Variants in NFKB1 observed in about 807,000 individuals in gnomAD.
NFKB1 encodes nuclear factor NF-kappa-B p105 subunit.
A neutral mutation model predicts 105.1 loss-of-function variants in NFKB1; 9 were observed. The ratio of observed to expected loss-of-function variants is 0.09; its 90% CI spans 0.05 to 0.15. NFKB1 has a LOEUF of 0.15. Among genes scored for constraint, NFKB1 ranks in the 10% least tolerant of loss-of-function variants. The pLI is 1.00. For missense variants in NFKB1, 830 were observed against 1,203.7 expected (o/e 0.69, Z 4.59); for synonymous variants, 440 against 442.2 (o/e 1.00, Z 0.06).
At chr4:102,535,682 T>C (rs1741591186) in intron 4 of NFKB1, among the ~76,000 whole-genome samples, 1 of 152,160 alleles carries the variant, frequency 6.6e-6, no homozygotes, top group African/African-American at 2.4e-5. Flanking sequence ...GACATCTTCC[T>C]GAAAACAGTT....
chr4:102,519,027 G>A (rs113415745), intron 1 of NFKB1, among the ~76,000 whole-genome samples: 4 of 152,052 alleles, frequency 2.6e-5, no homozygotes, highest in Non-Finnish European at 4.4e-5. Context: ...CTCTTGTTGA[G>A]TGGCATATAA....
chr4:102,522,250 T>C (rs1432977118), intron 1 of NFKB1, among the ~76,000 whole-genome samples: 1 of 152,262 alleles, frequency 6.6e-6, no homozygotes, highest in African/African-American at 2.4e-5. Context: ...CAAATGATTC[T>C]TGGTTTCTTT....
Position 102,533,852 on chromosome 4 carries a change from C to T in NFKB1, c.126C>T (p.Gly42=). Residue 42 remains glycine, a synonymous_variant, in exon 4 of 24, where the codon GGC becomes GGT. Coordinates refer to ENST00000226574, the MANE Select transcript of NFKB1 (RefSeq NM_003998.4). ...QPQMALPTAD[G]PYLQILEQPK... ...TGTTGTTTTTGTTTTTAGCAGATGG[C>T]CCATACCTTCAAATATTAGAGCAAC... is the stretch of plus-strand genomic sequence containing the variant. 1 of 1,612,048 alleles carries T rather than the reference C, an allele frequency of 6.2e-7. No homozygotes were observed. The highest frequency in any genetic ancestry group is 8.5e-7 in the Non-Finnish European group (1 of 1,179,156).
In NFKB1 at chr4:102,596,211, C is replaced by T. The variant is rs1305396735; in HGVS notation, c.1374C>T (p.Leu458=). Residue 458 remains leucine (L), a synonymous_variant, in exon 14 of 24, where the codon CTC becomes CTT. Coordinates refer to ENST00000226574, the MANE Select transcript of NFKB1 (RefSeq NM_003998.4). The part of the protein sequence containing the change: ...DKSDDKNTVN[L]FGKVIETTEQ... ...GTGATGACAAAAACACTGTAAACCT[C>T]TTTGGGAAAGTTATTGAAACCACAG... 8.1e-6 allele frequency: 13 copies of T among 1,613,608 alleles called. No homozygotes were observed. The highest frequency in any genetic ancestry group is 1.1e-5 in the Non-Finnish European group (13 of 1,179,608).
chr4:102,534,047 T>A (rs1346309634), intron 4 of NFKB1, among the ~76,000 whole-genome samples, 162 bp downstream of exon 4: 1 of 152,210 alleles, frequency 6.6e-6, no homozygotes, highest in Non-Finnish European at 1.5e-5. Flanking sequence ...CACTTTACAT[T>A]TCTCTTACTC....
At chr4:102,574,771 TTACTCTATCGTTACC>T (rs1724676725) in intron 6 of NFKB1, among the ~76,000 whole-genome samples, 1 of 152,224 alleles carries the variant, frequency 6.6e-6, no homozygotes, top group Non-Finnish European at 1.5e-5. Flanking sequence ...CCAGTCTGTT[TTACTCTATCGTTACC>T]TGAAGCAGAA....
At chr4:102,594,196 A>G (rs1288238769) in intron 12 of NFKB1, among the ~76,000 whole-genome samples, 1 of 152,232 alleles carries the variant, frequency 6.6e-6, no homozygotes, top group Non-Finnish European at 1.5e-5. Flanking sequence ...CTCCAGTAAT[A>G]TGAACTTTAA....
chr4:102,613,626 C>G, intron 23 of NFKB1, 45 bp downstream of exon 23: 3 of 1,583,186 alleles, frequency 1.9e-6, no homozygotes, highest in Non-Finnish European at 1.7e-6. Flanking sequence ...TCCAGCTCCC[C>G]CAGGCTGGTG....
At chr4:102,605,617 A>G (rs1727645855) in intron 16 of NFKB1, among the ~76,000 whole-genome samples, 1 of 152,256 alleles carries the variant, frequency 6.6e-6, no homozygotes, top group South Asian at 2.1e-4. Context: ...CACAGTTTGC[A>G]AAACATCTTA....
intron 1 of NFKB1, 58 bp from the exon 2 acceptor site, chr4:102,525,454 G>T: frequency 6.5e-7 from 1 of 1,539,756 alleles, no homozygotes; most frequent in South Asian, 1.1e-5. Context: ...CATGGTGATA[G>T]AATTTTTAAA....
intron 11 of NFKB1, among the ~76,000 whole-genome samples, chr4:102,592,756 C>T (rs1319221728): frequency 6.6e-6 from 1 of 152,160 alleles, no homozygotes; most frequent in Non-Finnish European, 1.5e-5. Context: ...TTATCTACTC[C>T]TGTTCTCAAA....
chr4:102,593,527 G>A lies in NFKB1; in HGVS notation c.1169G>A (p.Gly390Asp). The change falls in exon 12 of 24, where the codon GGT becomes GAT. Residue 390 changes from glycine (G) to aspartate (D), a missense_variant. Coordinates refer to ENST00000226574, the MANE Select transcript of NFKB1 (RefSeq NM_003998.4). Reference protein sequence around the residue: ...GAGAGGGGMFGSGGGGGGTGS... With the variant: ...GAGAGGGGMFDSGGGGGGTGS... Reference sequence around the variant, plus strand: ...GGAGCTGGAGGCGGAGGCATGTTTGGTAGTGGCGGTGGAGGAGGGGGCACT... The same window carrying A: ...GGAGCTGGAGGCGGAGGCATGTTTGATAGTGGCGGTGGAGGAGGGGGCACT... 1 of 1,613,800 alleles carries A rather than the reference G, an allele frequency of 6.2e-7. No homozygotes were observed. Among genetic ancestry groups the A allele is most frequent in the East Asian group, 2.2e-5 (1 of 44,882 alleles).
intron 1 of NFKB1, among the ~76,000 whole-genome samples, chr4:102,508,439 T>C (rs776595206): frequency 1.3e-5 from 2 of 152,162 alleles, no homozygotes; most frequent in Non-Finnish European, 2.9e-5. Flanking sequence ...TTTTGCTCAG[T>C]TGGATAGTCA....
chr4:102,509,706 G>C (rs1578701115), intron 1 of NFKB1, among the ~76,000 whole-genome samples: 1 of 152,248 alleles, frequency 6.6e-6, no homozygotes, highest in East Asian at 1.9e-4. Context: ...GATTTCTCAT[G>C]CCAGAAATCT....
chr4:102,606,752 C>G, intron 17 of NFKB1, 55 bp downstream of exon 17: 4 of 1,507,800 alleles, frequency 2.7e-6, no homozygotes, highest in Non-Finnish European at 3.6e-6. Context: ...TAAATATCTA[C>G]TAGGTATTTG....
chr4:102,502,388 GCGCA>G (rs1200842847), intron 1 of NFKB1, among the ~76,000 whole-genome samples: 11 of 96,814 alleles, frequency 1.1e-4, no homozygotes, highest in Admixed American at 2.7e-4. Flanking sequence ...GCGCGCGCGC[GCGCA>G]CACACACACA....
chr4:102,528,794 G>T (rs1259639001), intron 2 of NFKB1, among the ~76,000 whole-genome samples: 1 of 152,154 alleles, frequency 6.6e-6, no homozygotes, highest in Non-Finnish European at 1.5e-5. Flanking sequence ...AAAATATTCT[G>T]CATGCCCACT....
At chr4:102,582,490 A>C (rs1490182741) in intron 9 of NFKB1, among the ~76,000 whole-genome samples, 1 of 152,206 alleles carries the variant, frequency 6.6e-6, no homozygotes, top group Non-Finnish European at 1.5e-5. Flanking sequence ...ATATAAGTTA[A>C]TTATTTTTAT....
intron 5 of NFKB1, among the ~76,000 whole-genome samples, chr4:102,554,111 A>G (rs913648818): frequency 1.8e-4 from 27 of 152,308 alleles, no homozygotes; most frequent in African/African-American, 6.5e-4. Flanking sequence ...TTAGAGCTGG[A>G]AAATGAGTGA....
Sources: allele counts gnomAD v4.1 joint callset (sites outside exome capture counted in the v4.1 genomes callset), GRCh38; gene constraint gnomAD v4.1.1; transcripts MANE v1.5; gene names NCBI Gene and HGNC (gene_info 2026-07-23, HGNC 2026-07-21).